CAD: variants seen among roughly 807,000 people sequenced by gnomAD.
The protein encoded by CAD is multifunctional protein CAD.
Under a neutral mutation model 237.2 loss-of-function variants are expected in CAD, and 81 were observed. That is an observed-to-expected ratio of 0.34 (90% CI 0.29 to 0.41). The LOEUF (loss-of-function observed/expected upper bound fraction) is 0.41. CAD is among the 10% of genes least tolerant of loss of function. The probability of loss-of-function intolerance (pLI) is 1.00; values close to 1 mark genes in which losing one functional copy is unlikely to be tolerated. For synonymous variants in CAD, 1,196 were observed against 1,162.8 expected (o/e 1.03, Z -0.58); for missense variants, 2,181 against 2,951.7 (o/e 0.74, Z 6.05).
At position 27,243,608 on chromosome 2, in the gene CAD, C is replaced by A; in HGVS notation, c.*90C>A. ...TACGGGGGCAGCACACTTAGATATT[C>A]CTGGACATCCAGATAGCTCACATGT... On this transcript the variant is annotated 3_prime_UTR_variant, in exon 44 of 44. Coordinates refer to ENST00000264705, the MANE Select transcript of CAD (RefSeq NM_004341.5). The A allele has an allele frequency of 2.1e-6, 2 of 974,114 alleles. No homozygotes were observed. Among genetic ancestry groups the A allele is most frequent in the Non-Finnish European group, 1.6e-6 (1 of 636,936 alleles). The allele number at this position is 974,114 out of a possible 1,614,324, so 60.3% of individuals were successfully genotyped here.
intron 15 of CAD, 137 bp downstream of exon 15, chr2:27,227,099 T>C (rs536521858): frequency 6.2e-5 from 44 of 713,418 alleles, no homozygotes; most frequent in Non-Finnish European, 1.0e-4. Context: ...ATTATAGTCC[T>C]TGTCAGGAGT....
rs1305451711 is a variant in CAD at position 27,242,288 on chromosome 2, C to T, written c.6097-14C>T. ...TCTGAGCTGCAAAAGACAGGATTTT[C>T]CCCTTTTTTCCAGCTGGCCGCCAAG... is the stretch of plus-strand genomic sequence containing the variant. On this transcript the variant is annotated splice_polypyrimidine_tract_variant and intron_variant, in intron 39 of 43. Transcript: ENST00000264705. The surrounding 1 kb of genome is among the most constrained non-coding windows in gnomAD (Gnocchi z 6.4). The T allele has an allele frequency of 1.9e-6, 3 of 1,603,188 alleles. No homozygotes were observed. The highest frequency in any genetic ancestry group is 2.6e-6 in the Non-Finnish European group (3 of 1,172,340).
At chr2:27,219,582 A>T (rs1020461058) in intron 2 of CAD, among the ~76,000 whole-genome samples, 1 of 150,798 alleles carries the variant, frequency 6.6e-6, no homozygotes, top group African/African-American at 2.4e-5. Context: ...TTTTTATTTA[A>T]TTTTTTTTTA....
chr2:27,225,796 G>A lies in CAD; in HGVS notation c.1712G>A (p.Arg571Lys). The change falls in exon 12 of 44, where the codon AGG (arginine) becomes AAG (lysine). Residue 571 changes from arginine (R) to lysine (K), a missense_variant. Around this residue, in one of 12 missense-constraint regions of CAD, gnomAD observed 174 missense variants for 215.8 expected, o/e 0.81. Coordinates refer to ENST00000264705, the MANE Select transcript of CAD (RefSeq NM_004341.5). ...GGLGSGFASN[R>K]EELSALVAPA... ...CTGGGCTCTGGCTTTGCCTCTAACA[G>A]GGAGGAGCTCTCTGCTCTCGTGGCC... 6.2e-7 allele frequency: 1 copy of A among 1,614,184 alleles called. No homozygotes were observed. Among genetic ancestry groups the A allele is most frequent in the African/African-American group, 1.3e-5 (1 of 75,054 alleles).
Position 27,239,426 on chromosome 2 carries a change from C to T in CAD, c.5349C>T (p.Val1783=), listed in dbSNP as rs538568131. The T allele has an allele frequency of 6.2e-7, 1 of 1,614,076 alleles. No individual in the cohort carries two copies. The highest frequency in any genetic ancestry group is 2.2e-5 in the East Asian group (1 of 44,876). Residue 1783 remains valine (V), a synonymous_variant, in exon 33 of 44, where the codon GTC becomes GTT. Transcript: ENST00000264705. This position sits in a 1 kb window ranked among gnomAD's most constrained non-coding sequence, Gnocchi z 4.0. Reference sequence around the variant, plus strand: ...AAGGGCAGAAAGTGAAGGGCACCGTCCGCCGTGTGGTCCTGCGAGGGGAGG... The same window carrying T: ...AAGGGCAGAAAGTGAAGGGCACCGTTCGCCGTGTGGTCCTGCGAGGGGAGG... ...PFEGQKVKGT[V]RRVVLRGEVA... is the part of the protein sequence containing the mutation.
Position 27,239,083 on chromosome 2 carries a change from C to G in CAD, c.5104C>G (p.Pro1702Ala), listed in dbSNP as rs529298259. ...LEEKCGSRPPPGFPGLETMLP... is the reference protein window; with the variant it reads ...LEEKCGSRPPAGFPGLETMLP... ...GGAGAAGTGTGGGTCCAGGCCCCCA[C>G]CTGGGTTCCCAGGGTTAGAGACCAT... The change falls in exon 32 of 44, where the codon CCT becomes GCT. Residue 1702 changes from proline (P) to alanine (A), a missense_variant. Physicochemically the swap from Pro to Ala is conservative, Grantham distance 27 (BLOSUM62 -1). Around this residue, in one of 12 missense-constraint regions of CAD, gnomAD observed 478 missense variants for 515.0 expected, o/e 0.93. Coordinates refer to ENST00000264705, the MANE Select transcript of CAD (RefSeq NM_004341.5). The surrounding 1 kb of genome is among the most constrained non-coding windows in gnomAD (Gnocchi z 4.0). 6.3e-7 allele frequency: 1 copy of G among 1,598,794 alleles called. No individual in the cohort carries two copies. The highest frequency in any genetic ancestry group is 1.7e-5 in the Admixed American group (1 of 57,162).
chr2:27,218,039 C>T, intron 2 of CAD, 23 bp downstream of exon 2: 2 of 1,565,292 alleles, frequency 1.3e-6, no homozygotes, highest in Non-Finnish European at 1.7e-6. Flanking sequence ...AGTGCTTTCT[C>T]TACATTCCTT....
chr2:27,221,385 A>G (rs371890060), intron 3 of CAD, 38 bp downstream of exon 3: 1 of 1,479,088 alleles, frequency 6.8e-7, no homozygotes, highest in Non-Finnish European at 9.0e-7. Context: ...GGCAGAGCAC[A>G]GCATGCCTGG....
Position 27,237,581 on chromosome 2 carries a change from A to C in CAD, c.4563+36A>C, listed in dbSNP as rs375441408. ...GCACTCTTCCTGGTATTGGAGACCC[A>C]TATGCCCCTACCAGCCACCCTTGCT... On this transcript the variant is annotated intron_variant, in intron 28 of 43. Transcript: ENST00000264705. The surrounding 1 kb of genome is among the most constrained non-coding windows in gnomAD (Gnocchi z 4.0). The C allele has an allele frequency of 1.5e-4, 245 of 1,598,480 alleles. No individual in the cohort carries two copies. Among genetic ancestry groups the C allele is most frequent in the Non-Finnish European group, 2.0e-4 (239 of 1,170,026 alleles).
At position 27,217,862 on chromosome 2, in the gene CAD, G is replaced by C; in HGVS notation, c.83-15G>C. 1 of 1,588,028 alleles carries C rather than the reference G, an allele frequency of 6.3e-7. No homozygotes were observed. On this transcript the variant is annotated splice_polypyrimidine_tract_variant and intron_variant, in intron 1 of 43. Coordinates refer to ENST00000264705, the MANE Select transcript of CAD (RefSeq NM_004341.5). ...GGGTGCCCTACCGGAGCCCAGCCCTGCTTCTTTCTTGCAGTGTTTCAAACC... is the reference window on the plus strand; with the variant it reads ...GGGTGCCCTACCGGAGCCCAGCCCTCCTTCTTTCTTGCAGTGTTTCAAACC...
intron 15 of CAD, among the ~76,000 whole-genome samples, chr2:27,230,895 G>A (rs534687664): frequency 1.3e-5 from 2 of 152,336 alleles, no homozygotes; most frequent in East Asian, 3.9e-4. Flanking sequence ...GTATCCCCAT[G>A]CCCGTTTTAG....
intron 23 of CAD, among the ~76,000 whole-genome samples, chr2:27,234,901 C>T (rs926936764): frequency 2.0e-5 from 3 of 152,050 alleles, no homozygotes; most frequent in Non-Finnish European, 2.9e-5. Context: ...TAGAACAGTC[C>T]GTGGTAAAAC....
chr2:27,226,133 G>A lies in CAD; in HGVS notation c.1845G>A (p.Val615=), dbSNP rs773152418. The A allele has an allele frequency of 1.9e-6, 3 of 1,613,894 alleles. No homozygotes were observed. The highest frequency in any genetic ancestry group is 2.5e-6 in the Non-Finnish European group (3 of 1,179,898). The change falls in exon 13 of 44, where the codon GTG becomes GTA. Residue 615 remains valine (V), a splice_region_variant and synonymous_variant. Coordinates refer to ENST00000264705, the MANE Select transcript of CAD (RefSeq NM_004341.5). The part of the protein sequence containing the change: ...VRDAYGNCVT[V]CNMENLDPLG... ...CTCCATGGCACCCCCCTTCACAGGTGTGTAACATGGAGAACTTGGACCCAC... is the reference window on the plus strand; with the variant it reads ...CTCCATGGCACCCCCCTTCACAGGTATGTAACATGGAGAACTTGGACCCAC...
In CAD at chr2:27,224,999, T is replaced by G. The variant is rs1250038729; in HGVS notation, c.1387-11T>G. 1 of 1,607,560 alleles carries G rather than the reference T, an allele frequency of 6.2e-7. No individual in the cohort carries two copies. Among genetic ancestry groups the G allele is most frequent in the Admixed American group, 1.7e-5 (1 of 59,892 alleles). On this transcript the variant is annotated splice_polypyrimidine_tract_variant and intron_variant, in intron 10 of 43. Coordinates refer to ENST00000264705, the MANE Select transcript of CAD (RefSeq NM_004341.5). ...GGTTCTGATGCCTGTAACTCCCCTC[T>G]CCATCCTCAGGTGATACGTAATGAA... is the stretch of plus-strand genomic sequence containing the variant.
At position 27,232,708 on chromosome 2, in the gene CAD, T is replaced by G; in HGVS notation, c.2892+14T>G. 6.2e-7 allele frequency: 1 copy of G among 1,614,066 alleles called. No individual in the cohort carries two copies. Among genetic ancestry groups the G allele is most frequent in the South Asian group, 1.1e-5 (1 of 91,066 alleles). ...CAGCTCCGAAAGGTCAGAGAGTTCATTTTCTTTCCACTTTCCTTGCTATTC... is the reference window on the plus strand; with the variant it reads ...CAGCTCCGAAAGGTCAGAGAGTTCAGTTTCTTTCCACTTTCCTTGCTATTC... On this transcript the variant is annotated intron_variant, in intron 18 of 43. Transcript: ENST00000264705. This position sits in a 1 kb window ranked among gnomAD's most constrained non-coding sequence, Gnocchi z 4.1.
At chr2:27,217,716 C>A (rs1674936209) in intron 1 of CAD, 83 bp downstream of exon 1, 3 of 1,432,596 alleles carry the variant, frequency 2.1e-6, no homozygotes, top group Non-Finnish European at 2.8e-6. Flanking sequence ...CAGACCCCGC[C>A]ATTTTCCCGC....
In CAD at chr2:27,236,758, C is replaced by T. The variant is rs1676028774; in HGVS notation, c.4324C>T (p.Gln1442Ter). ...TGCTTTCCACTTGCAGGCCCTAGGC[C>T]AGATCGGGCCAGCCCCTCCTTTGAA... Reference protein sequence around the residue: ...CTKLFVEALGQIGPAPPLKVH... With the variant: ...CTKLFVEALG The change falls in exon 27 of 44, where the codon CAG becomes TAG. Residue 1442 changes from glutamine to a stop codon, truncating the protein, a stop_gained. Coordinates refer to ENST00000264705, the MANE Select transcript of CAD (RefSeq NM_004341.5). LOFTEE classifies it high-confidence loss of function. The surrounding 1 kb of genome is among the most constrained non-coding windows in gnomAD (Gnocchi z 4.1). The T allele has an allele frequency of 6.2e-7, 1 of 1,613,996 alleles. No individual in the cohort carries two copies. Among genetic ancestry groups the T allele is most frequent in the African/African-American group, 1.3e-5 (1 of 74,924 alleles).
At position 27,217,446 on chromosome 2, in the gene CAD, T is replaced by C. The variant is rs769825436; in HGVS notation, c.-106T>C. ...GGCTTCTCTCCAGCGCCCCGCGCCGTTAGCCACGTGGACCGACTCCGGCGC... is the reference window on the plus strand; with the variant it reads ...GGCTTCTCTCCAGCGCCCCGCGCCGCTAGCCACGTGGACCGACTCCGGCGC... On this transcript the variant is annotated 5_prime_UTR_variant, in exon 1 of 44. Transcript: ENST00000264705. The C allele has an allele frequency of 4.7e-5, 47 of 990,618 alleles. No homozygotes were observed. The highest frequency in any genetic ancestry group is 1.4e-4 in the Admixed American group (7 of 49,700). The allele number at this position is 990,618 out of a possible 1,614,324, so 61.4% of individuals were successfully genotyped here.
chr2:27,225,557 G>A lies in CAD; in HGVS notation c.1621-148G>A, dbSNP rs1228264931. On this transcript the variant is annotated intron_variant, in intron 11 of 43. Coordinates refer to ENST00000264705, the MANE Select transcript of CAD (RefSeq NM_004341.5). ...CTGACCTCAGGTGATCCACCCCCCC[G>A]ACCCTCGGCCTCCCAAATTGCTGGG... is the stretch of plus-strand genomic sequence containing the variant. The A allele has an allele frequency of 3.1e-5, 14 of 456,812 alleles. 1 individual carries two copies. In the South Asian group the frequency reaches 3.1e-4, roughly 10 times the overall value. The allele number at this position is 456,812 out of a possible 1,614,324, so 28.3% of individuals were successfully genotyped here. A position where few individuals can be genotyped will look rare whatever the true frequency, so the allele number is the denominator to read the frequency against.
Sources: allele counts gnomAD v4.1 joint callset (sites outside exome capture counted in the v4.1 genomes callset), GRCh38; gene constraint gnomAD v4.1.1; regional missense constraint gnomAD v4.1.1; non-coding constraint Gnocchi (gnomAD v3.1); transcripts MANE v1.5; gene names NCBI Gene and HGNC (gene_info 2026-07-23, HGNC 2026-07-21).